Variants in CACHD1 observed in about 807,000 individuals in gnomAD.
CACHD1 encodes VWFA and cache domain-containing protein 1.
A neutral mutation model predicts 138.7 loss-of-function variants in CACHD1; 71 were observed. The ratio of observed to expected loss-of-function variants is 0.51; its 90% confidence interval spans 0.42 to 0.62. The LOEUF is 0.62. CACHD1 is among the 20% of genes least tolerant of loss of function. CACHD1 has a pLI of 0.00. For synonymous variants in CACHD1, 578 were observed against 591.5 expected, an observed-to-expected ratio of 0.98 and a Z score of 0.33; for missense variants, 1,389 against 1,625.3, an observed-to-expected ratio of 0.85 and a Z score of 2.50.
Position 64,654,777 on chromosome 1 carries a change from T to C in CACHD1, c.1756T>C (p.Tyr586His), listed in dbSNP as rs896583709. The C allele has an allele frequency of 5.0e-6, 8 of 1,613,074 alleles. No individual in the cohort carries two copies. The highest frequency in any genetic ancestry group is 6.8e-6 in the Non-Finnish European group (8 of 1,179,166). Residue 586 changes from tyrosine to histidine, a missense_variant, in exon 12 of 27, where the codon TAC becomes CAC. This residue lies in a region of CACHD1 where 1,000 missense variants were observed against 1,114.7 expected (regional missense o/e 0.90). Coordinates refer to ENST00000651257, the MANE Select transcript of CACHD1 (RefSeq NM_020925.4). ...GCTGAGAGAAACTGGAAAGGAAGCC[T>C]ACAATGTTAGCTATGCCTGGAAGAT... ...NKLRETGKEAYNVSYAWKMVQ... is the reference protein window; with the variant it reads ...NKLRETGKEAHNVSYAWKMVQ...
At chr1:64,646,382 C>T (rs1372306293) in intron 8 of CACHD1, among the ~76,000 whole-genome samples, 1 of 152,098 alleles carries the variant, frequency 6.6e-6, no homozygotes, top group Non-Finnish European at 1.5e-5. Flanking sequence ...TTTCCTTTAG[C>T]ATTGCATGAG....
chr1:64,490,971 A>C (rs1646271527), intron 1 of CACHD1, among the ~76,000 whole-genome samples: 1 of 152,224 alleles, frequency 6.6e-6, no homozygotes, highest in South Asian at 2.1e-4. Context: ...TGGGGTTCTC[A>C]TGTAAAAATT....
At chr1:64,649,398 A>G (rs987508562) in intron 9 of CACHD1, among the ~76,000 whole-genome samples, 2 of 152,104 alleles carry the variant, frequency 1.3e-5, no homozygotes, top group African/African-American at 2.4e-5. Flanking sequence ...CTACAGATGT[A>G]TATAGAATGG....
intron 1 of CACHD1, among the ~76,000 whole-genome samples, chr1:64,474,742 G>A (rs956653560): frequency 1.3e-5 from 2 of 152,214 alleles, no homozygotes; most frequent in Non-Finnish European, 2.9e-5. Flanking sequence ...GAGCCATTTC[G>A]CCAGGCACTT....
At chr1:64,579,458 A>G (rs1646994619) in intron 2 of CACHD1, among the ~76,000 whole-genome samples, 1 of 152,236 alleles carries the variant, frequency 6.6e-6, no homozygotes, top group South Asian at 2.1e-4. Context: ...ATTTGTGAAG[A>G]TATTTCAAAA....
chr1:64,583,204 G>A (rs368716084), intron 3 of CACHD1, among the ~76,000 whole-genome samples: 3 of 152,078 alleles, frequency 2.0e-5, no homozygotes, highest in African/African-American at 7.2e-5. Context: ...TTCTTGCTGG[G>A]CTTTTAGGTA....
intron 22 of CACHD1, 67 bp from the exon 23 acceptor site, chr1:64,678,092 C>T (rs907105720): frequency 4.0e-6 from 6 of 1,516,524 alleles, no homozygotes; most frequent in Non-Finnish European, 5.3e-6. Context: ...TGTCTGATGC[C>T]CACACTTAAG....
chr1:64,652,367 G>C (rs943789052), intron 10 of CACHD1, 57 bp downstream of exon 10: 1 of 1,444,228 alleles, frequency 6.9e-7, no homozygotes, highest in African/African-American at 1.4e-5. Context: ...AAGAAAATAA[G>C]GTATAGATAT....
At position 64,497,968 on chromosome 1, in the gene CACHD1, A is replaced by G. The variant is rs573055929; in HGVS notation, c.198+27026A>G. Among the ~76,000 whole-genome samples, 5 of 152,298 alleles carry G rather than the reference A, an allele frequency of 3.3e-5. No homozygotes were observed. The East Asian group carries it at 9.7e-4, about 29-fold the overall frequency. On this transcript the variant is annotated intron_variant, in intron 1 of 26. Coordinates refer to ENST00000651257, the MANE Select transcript of CACHD1 (RefSeq NM_020925.4). ...TGGTGAAACCCTGTCTCTACTGAAA[A>G]TACCAAAAATTAGCTGGGCGTGGTG...
At chr1:64,569,042 C>A (rs937973845) in intron 2 of CACHD1, among the ~76,000 whole-genome samples, 4 of 152,126 alleles carry the variant, frequency 2.6e-5, no homozygotes, top group South Asian at 4.2e-4. Flanking sequence ...CTGCCTCAGC[C>A]TCCCGAGTAG....
intron 26 of CACHD1, among the ~76,000 whole-genome samples, chr1:64,685,852 A>G (rs1250657613): frequency 1.3e-5 from 2 of 151,484 alleles, no homozygotes; most frequent in Non-Finnish European, 2.9e-5. Flanking sequence ...TGTCTCAAAA[A>G]AAAAAGAAAA....
chr1:64,491,338 G>A (rs1646273535), intron 1 of CACHD1, among the ~76,000 whole-genome samples: 1 of 151,572 alleles, frequency 6.6e-6, no homozygotes, highest in Non-Finnish European at 1.5e-5. Context: ...TCTGAGACTG[G>A]ATAATTTATA....
intron 1 of CACHD1, among the ~76,000 whole-genome samples, chr1:64,548,031 G>T (rs1361398068): frequency 6.6e-6 from 1 of 152,138 alleles, no homozygotes; most frequent in Non-Finnish European, 1.5e-5. Context: ...GTCATAAAAA[G>T]ATCTACTAAG....
At chr1:64,475,807 C>A (rs1646171783) in intron 1 of CACHD1, among the ~76,000 whole-genome samples, 1 of 152,122 alleles carries the variant, frequency 6.6e-6, no homozygotes, top group South Asian at 2.1e-4. Flanking sequence ...CTCGGCCTCC[C>A]AAAGTGGGGT....
intron 3 of CACHD1, among the ~76,000 whole-genome samples, chr1:64,587,717 T>C (rs551841823): frequency 6.6e-6 from 1 of 152,288 alleles, no homozygotes; most frequent in Admixed American, 6.5e-5. Flanking sequence ...GTGGGCTCAT[T>C]TATTTATATA....
At chr1:64,623,682 A>ACC (rs1647995849) in intron 4 of CACHD1, among the ~76,000 whole-genome samples, 2 of 152,130 alleles carry the variant, frequency 1.3e-5, no homozygotes, top group African/African-American at 2.4e-5. Flanking sequence ...GAGGTAAAAC[A>ACC]CCGGAGGAGG....
At chr1:64,491,767 C>A (rs923736090) in intron 1 of CACHD1, among the ~76,000 whole-genome samples, 1 of 152,136 alleles carries the variant, frequency 6.6e-6, no homozygotes, top group Non-Finnish European at 1.5e-5. Context: ...CAGGCATGCA[C>A]CACCATGTCC....
Position 64,550,597 on chromosome 1 carries a change from A to G in CACHD1, c.202A>G (p.Ile68Val), listed in dbSNP as rs762107626. 1.9e-6 allele frequency: 3 copies of G among 1,609,964 alleles called. No homozygotes were observed. The Admixed American group carries it at 5.0e-5, about 27-fold the overall frequency. Reference sequence around the variant, plus strand: ...GTTCATTTTCTTTTCATTGCAGCGGATATTCAACTCCTTTGTTTACACTGA... The same window carrying G: ...GTTCATTTTCTTTTCATTGCAGCGGGTATTCAACTCCTTTGTTTACACTGA... ...EELGVVTMQR[I>V]FNSFVYTEKI... The change falls in exon 2 of 27, where the codon ATA becomes GTA. Residue 68 changes from isoleucine (I) to valine (V), a missense_variant. Transcript: ENST00000651257.
At chr1:64,688,984 T>G (rs1330426233) in intron 26 of CACHD1, among the ~76,000 whole-genome samples, 2 of 152,196 alleles carry the variant, frequency 1.3e-5, no homozygotes, top group Non-Finnish European at 2.9e-5. Flanking sequence ...TGCCTCTGTT[T>G]TAGCACATGG....
Sources: allele counts gnomAD v4.1 joint callset (sites outside exome capture counted in the v4.1 genomes callset), GRCh38; gene constraint gnomAD v4.1.1; regional missense constraint gnomAD v4.1.1; transcripts MANE v1.5; gene names NCBI Gene and HGNC (gene_info 2026-07-23, HGNC 2026-07-21).